The following MCU variants were observed in gnomAD, a reference collection of about 807,000 sequenced individuals.
MCU encodes the protein calcium uniporter protein, mitochondrial.
In MCU, 12 loss-of-function variants were observed where a neutral mutation model predicts 45.2. The observed-to-expected ratio is 0.27, with a 90% CI of 0.17 to 0.43. MCU has a LOEUF of 0.43. Ranked by LOEUF, MCU falls within the 20% of genes least tolerant of loss-of-function variation. The probability of loss-of-function intolerance (pLI) is 1.00; values close to 1 mark genes in which losing one functional copy is unlikely to be tolerated. For synonymous variants in MCU, 160 were observed against 165.1 expected (o/e 0.97, Z 0.24); for missense variants, 324 against 436.7 (o/e 0.74, Z 2.30).
intron 2 of MCU, among the ~76,000 whole-genome samples, chr10:72,845,490 G>A (rs755988583): frequency 1.3e-5 from 2 of 152,052 alleles, no homozygotes; most frequent in African/African-American, 2.4e-5. Flanking sequence ...TCCCAAAAGA[G>A]TATAATACTG....
At chr10:72,877,790 T>G (rs977022014) in intron 6 of MCU, among the ~76,000 whole-genome samples, 6 of 152,200 alleles carry the variant, frequency 3.9e-5, no homozygotes, top group Non-Finnish European at 8.8e-5. Flanking sequence ...GAGCCACACT[T>G]GTTAGCCTAG....
At chr10:72,826,348 T>C (rs1213322815) in intron 1 of MCU, among the ~76,000 whole-genome samples, 1 of 152,186 alleles carries the variant, frequency 6.6e-6, no homozygotes, top group Non-Finnish European at 1.5e-5. Context: ...CTATAAGGAA[T>C]AGACACAAAT....
chr10:72,733,381 C>T (rs1026603870), intron 1 of MCU, among the ~76,000 whole-genome samples: 3 of 152,200 alleles, frequency 2.0e-5, no homozygotes, highest in East Asian at 1.9e-4. Flanking sequence ...CACTTGAACC[C>T]GGGAGGCAGA....
intron 1 of MCU, among the ~76,000 whole-genome samples, chr10:72,809,925 GT>G (rs1564563633): frequency 6.6e-6 from 1 of 152,114 alleles, no homozygotes; most frequent in Non-Finnish European, 1.5e-5. Flanking sequence ...AGTATCAAAT[GT>G]TTCCAAGAAG....
chr10:72,781,150 T>C (rs1279439808), intron 1 of MCU, among the ~76,000 whole-genome samples: 1 of 152,220 alleles, frequency 6.6e-6, no homozygotes. Context: ...ATATTTGATA[T>C]AGAATCTGGT....
chr10:72,877,582 A>G (rs778500299), intron 6 of MCU, among the ~76,000 whole-genome samples: 3 of 152,226 alleles, frequency 2.0e-5, no homozygotes, highest in Non-Finnish European at 4.4e-5. Context: ...TCCTTCCACC[A>G]AGAAAAGTTA....
At chr10:72,868,356 C>G (rs1419257902) in intron 4 of MCU, among the ~76,000 whole-genome samples, 1 of 152,068 alleles carries the variant, frequency 6.6e-6, no homozygotes, top group Non-Finnish European at 1.5e-5. Context: ...CGAGACCAGC[C>G]TGGGCAACAC....
At chr10:72,781,384 A>G (rs1050372192) in intron 1 of MCU, among the ~76,000 whole-genome samples, 19 of 152,326 alleles carry the variant, frequency 1.2e-4, no homozygotes, top group African/African-American at 4.3e-4. Context: ...CAGCCTACTC[A>G]GTATCTTAGA....
chr10:72,776,630 T>C (rs997530325), intron 1 of MCU, among the ~76,000 whole-genome samples: 1 of 152,196 alleles, frequency 6.6e-6, no homozygotes, highest in Non-Finnish European at 1.5e-5. Context: ...GGGGAGAAAT[T>C]GACAGCCTTT....
intron 1 of MCU, among the ~76,000 whole-genome samples, chr10:72,769,517 C>T (rs555668557): frequency 1.7e-4 from 26 of 152,086 alleles, no homozygotes; most frequent in East Asian, 5.8e-4. Context: ...TCCTGGGCTC[C>T]GGTGATACTC....
intron 1 of MCU, among the ~76,000 whole-genome samples, chr10:72,753,930 A>C (rs1843538438): frequency 6.6e-6 from 1 of 152,146 alleles, no homozygotes; most frequent in African/African-American, 2.4e-5. Flanking sequence ...CACACTATGA[A>C]GTAAGTACTG....
intron 1 of MCU, among the ~76,000 whole-genome samples, chr10:72,736,211 T>C (rs1453721343): frequency 6.6e-6 from 1 of 152,212 alleles, no homozygotes; most frequent in African/African-American, 2.4e-5. Flanking sequence ...ATTGGAAGAC[T>C]GATTTGCTTC....
chr10:72,808,166 G>C (rs1428605371), intron 1 of MCU, among the ~76,000 whole-genome samples: 1 of 152,108 alleles, frequency 6.6e-6, no homozygotes, highest in Non-Finnish European at 1.5e-5. Flanking sequence ...TCAGCAGTTG[G>C]CTTACCTTTT....
chr10:72,699,334 G>A (rs1039635874), intron 1 of MCU, among the ~76,000 whole-genome samples: 3 of 151,882 alleles, frequency 2.0e-5, no homozygotes, highest in Admixed American at 1.3e-4. Flanking sequence ...GTGAAACCCC[G>A]TCTCTACTAA....
chr10:72,823,430 C>T (rs921492851), intron 1 of MCU, among the ~76,000 whole-genome samples: 1 of 152,136 alleles, frequency 6.6e-6, no homozygotes, highest in Non-Finnish European at 1.5e-5. Flanking sequence ...CCCATGTGAT[C>T]CCTAAACAGA....
chr10:72,844,994 A>C (rs1269126897), intron 2 of MCU, among the ~76,000 whole-genome samples: 2 of 152,182 alleles, frequency 1.3e-5, no homozygotes, highest in African/African-American at 4.8e-5. Context: ...TATATAAAAA[A>C]CTAAGATAAA....
At chr10:72,731,914 G>T (rs990337217) in intron 1 of MCU, among the ~76,000 whole-genome samples, 1 of 152,150 alleles carries the variant, frequency 6.6e-6, no homozygotes, top group Non-Finnish European at 1.5e-5. Flanking sequence ...TGTACAGGTT[G>T]GACAAATATT....
chr10:72,870,049 C>T (rs1177429956), intron 5 of MCU, among the ~76,000 whole-genome samples: 3 of 151,968 alleles, frequency 2.0e-5, no homozygotes, highest in African/African-American at 7.3e-5. Context: ...GTACAGTAGT[C>T]GGGTTATGAC....
At chr10:72,700,777 A>G (rs890420815) in intron 1 of MCU, among the ~76,000 whole-genome samples, 1 of 152,198 alleles carries the variant, frequency 6.6e-6, no homozygotes, top group African/African-American at 2.4e-5. Flanking sequence ...TTCTTTAATG[A>G]TGTTAATACT....
Sources: allele counts gnomAD v4.1 joint callset (sites outside exome capture counted in the v4.1 genomes callset), GRCh38; gene constraint gnomAD v4.1.1; transcripts MANE v1.5; gene names NCBI Gene and HGNC (gene_info 2026-07-23, HGNC 2026-07-21).